Variants in ZSCAN5A observed in about 807,000 individuals in gnomAD.
The protein encoded by ZSCAN5A is zinc finger and SCAN domain containing 5A.
ZSCAN5A carries 12 observed loss-of-function variants against 23.7 expected under a neutral mutation model. The ratio of observed to expected loss-of-function variants is 0.51; its 90% CI spans 0.32 to 0.82. ZSCAN5A has a LOEUF of 0.82. Among genes scored for constraint, ZSCAN5A ranks in the 40% least tolerant of loss-of-function variants. ZSCAN5A has a pLI of 0.03. For synonymous variants in ZSCAN5A, 257 were observed against 239.9 expected, an observed-to-expected ratio of 1.07 and a Z score of -0.66; for missense variants, 597 against 617.9, an observed-to-expected ratio of 0.97 and a Z score of 0.36.
rs890823994 is a variant in ZSCAN5A, at chr19:56,284,861, G to A, written c.-128+28422C>T. ...AAAGGGGATTAAGTGGGAATAATGA[G>A]GCATCATGACTGAGGCATTATAGCC... On this transcript the variant is annotated intron_variant, in intron 2 of 5. Coordinates refer to ENST00000683990, the MANE Select transcript of ZSCAN5A (RefSeq NM_001322064.3). 5 of 213,464 alleles carry A rather than the reference G, an allele frequency of 2.3e-5. No homozygotes were observed. In the Admixed American group the frequency reaches 3.3e-4, roughly 14 times the overall value. The allele number at this position is 213,464 out of a possible 1,614,324, so 13.2% of individuals were successfully genotyped here. A position where few individuals can be genotyped will look rare whatever the true frequency, so the allele number is the denominator to read the frequency against.
intron 2 of ZSCAN5A, among the ~76,000 whole-genome samples, chr19:56,270,046 C>T (rs2037737402): frequency 6.6e-6 from 1 of 152,022 alleles, no homozygotes; most frequent in Non-Finnish European, 1.5e-5. Context: ...AACTGATTGG[C>T]TGTCTGTGAC....
intron 2 of ZSCAN5A, among the ~76,000 whole-genome samples, chr19:56,254,978 T>C (rs1199630002): frequency 1.3e-5 from 2 of 152,144 alleles, no homozygotes; most frequent in Non-Finnish European, 2.9e-5. Flanking sequence ...TATCCCCCTA[T>C]TCCATTGGTT....
chr19:56,242,640 C>A (rs185450282), intron 2 of ZSCAN5A, among the ~76,000 whole-genome samples: 1 of 152,170 alleles, frequency 6.6e-6, no homozygotes, highest in African/African-American at 2.4e-5. Context: ...TTGCTTCCCC[C>A]ACCTGTGGCT....
chr19:56,326,791 C>T (rs2041438713), intron 2 of ZSCAN5A, among the ~76,000 whole-genome samples: 1 of 152,086 alleles, frequency 6.6e-6, no homozygotes, highest in African/African-American at 2.4e-5. Flanking sequence ...TAATATGCAA[C>T]ATATTGATGC....
At chr19:56,364,281 C>G (rs2041751570) in intron 1 of ZSCAN5A, among the ~76,000 whole-genome samples, 1 of 152,190 alleles carries the variant, frequency 6.6e-6, no homozygotes, top group African/African-American at 2.4e-5. Flanking sequence ...AATGTAGAGA[C>G]AGCTTACCAT....
chr19:56,247,409 G>A (rs927124666), intron 2 of ZSCAN5A: 7 of 180,052 alleles, frequency 3.9e-5, no homozygotes, highest in Admixed American at 1.2e-4. Flanking sequence ...TGTCCCAAGT[G>A]TCTAAGAGCC....
At chr19:56,316,055 G>A (rs2041306224), upstream of ZSCAN5A, 1 of 152,224 alleles carries the variant, frequency 6.6e-6, no homozygotes, top group South Asian at 2.1e-4. Context: ...TGTTCTCTCT[G>A]AGAAATACTA....
chr19:56,264,840 G>A (rs912202841), intron 2 of ZSCAN5A, among the ~76,000 whole-genome samples: 4 of 152,136 alleles, frequency 2.6e-5, no homozygotes, highest in African/African-American at 9.7e-5. Flanking sequence ...GCTATCCTAG[G>A]GCTGGGCGCG....
At chr19:56,360,102 G>C (rs182840527) in intron 2 of ZSCAN5A, among the ~76,000 whole-genome samples, 230 of 152,134 alleles carry the variant, frequency 1.5e-3, no homozygotes, top group African/African-American at 5.2e-3. Context: ...AGAAATAAAG[G>C]GTATTCAAAT....
In ZSCAN5A at chr19:56,232,918, G is replaced by T. The variant is rs538123666; in HGVS notation, c.-127-7745C>A. On this transcript the variant is annotated intron_variant, in intron 2 of 5. Coordinates refer to ENST00000683990, the MANE Select transcript of ZSCAN5A (RefSeq NM_001322064.3). ...GCTGGTCTTTAACTCCTGGACCCAAGCAATCCACCAGCCTCAGCTTCTTAA... is the reference window on the plus strand; with the variant it reads ...GCTGGTCTTTAACTCCTGGACCCAATCAATCCACCAGCCTCAGCTTCTTAA... Among the ~76,000 whole-genome samples the T allele has an allele frequency of 5.9e-5, 9 of 152,232 alleles. No homozygotes were observed. In the East Asian group the frequency reaches 1.7e-3, roughly 29 times the overall value.
rs1290408461 is a variant in ZSCAN5A at position 56,226,593 on chromosome 19, G to A, written c.-127-1420C>T. 3.3e-5 allele frequency among the ~76,000 whole-genome samples: 5 copies of A among 152,128 alleles called. No individual in the cohort carries two copies. In the East Asian group the frequency reaches 9.7e-4, roughly 29 times the overall value. ...GTGTTGGTGAGGATTTGGGGGAAAG[G>A]GGTCCTCTGCGCCCTGTGCTGGGAT... is the stretch of plus-strand genomic sequence containing the variant. On this transcript the variant is annotated intron_variant, in intron 2 of 5. Coordinates refer to ENST00000683990, the MANE Select transcript of ZSCAN5A (RefSeq NM_001322064.3).
At chr19:56,254,191 T>C (rs1466145281) in intron 2 of ZSCAN5A, among the ~76,000 whole-genome samples, 1 of 151,930 alleles carries the variant, frequency 6.6e-6, no homozygotes, top group Non-Finnish European at 1.5e-5. Flanking sequence ...AATTTTATAA[T>C]GAAATATTTT....
chr19:56,223,975 GA>G, intron 3 of ZSCAN5A, 141 bp from the exon 4 acceptor site: 1 of 783,124 alleles, frequency 1.3e-6, no homozygotes, highest in South Asian at 1.8e-5. Context: ...CAGCTCTGTG[GA>G]CACAGCAATC....
intron 1 of ZSCAN5A, 168 bp downstream of exon 1, chr19:56,314,513 C>T (rs1254686005): frequency 6.6e-6 from 1 of 152,252 alleles, no homozygotes; most frequent in African/African-American, 2.4e-5. Context: ...CCCGCAAGGT[C>T]ACGGAAACTC....
At chr19:56,281,011 A>G (rs1433852268) in intron 2 of ZSCAN5A, among the ~76,000 whole-genome samples, 2 of 152,234 alleles carry the variant, frequency 1.3e-5, no homozygotes, top group African/African-American at 4.8e-5. Context: ...TTAACTACGA[A>G]TAGCCTACTG....
At chr19:56,247,413 A>AC in intron 2 of ZSCAN5A, 1 of 179,126 alleles carries the variant, frequency 5.6e-6, no homozygotes, top group Non-Finnish European at 1.2e-5. Flanking sequence ...CCAAGTGTCT[A>AC]AGAGCCTTTC....
At chr19:56,228,200 C>T (rs1483570521) in intron 2 of ZSCAN5A, 4 of 983,394 alleles carry the variant, frequency 4.1e-6, no homozygotes, top group Non-Finnish European at 4.8e-6. Context: ...CTGAAACCAA[C>T]CCCCGACATG....
At chr19:56,271,822 C>T (rs2037870745) in intron 2 of ZSCAN5A, among the ~76,000 whole-genome samples, 1 of 152,174 alleles carries the variant, frequency 6.6e-6, no homozygotes, top group Non-Finnish European at 1.5e-5. Context: ...GTGGTCTCTA[C>T]ACTCTGCCTT....
intron 2 of ZSCAN5A, among the ~76,000 whole-genome samples, chr19:56,301,464 A>C (rs1481191547): frequency 6.6e-6 from 1 of 152,018 alleles, no homozygotes; most frequent in Non-Finnish European, 1.5e-5. Context: ...GGACCACCAG[A>C]GGTCACTTGA....
Sources: allele counts gnomAD v4.1 joint callset (sites outside exome capture counted in the v4.1 genomes callset), GRCh38; gene constraint gnomAD v4.1.1; transcripts MANE v1.5; gene names NCBI Gene and HGNC (gene_info 2026-07-23, HGNC 2026-07-21).